LINGO2: variants seen among roughly 807,000 people sequenced by gnomAD.
LINGO2 encodes the protein leucine-rich repeat and immunoglobulin-like domain-containing nogo receptor-interacting protein 2.
A neutral mutation model predicts 30.6 loss-of-function variants in LINGO2; 14 were observed. The observed-to-expected ratio is 0.46, with a 90% CI of 0.30 to 0.72. LINGO2 has a LOEUF of 0.72. Ranked by LOEUF, LINGO2 falls within the 30% of genes least tolerant of loss-of-function variation. The pLI, the probability that LINGO2 is intolerant of heterozygous loss-of-function variation, is 0.07. For missense variants in LINGO2, 729 were observed against 751.7 expected (o/e 0.97, Z 0.35); for synonymous variants, 317 against 288.5 (o/e 1.10, Z -1.00).
intron 3 of LINGO2, among the ~76,000 whole-genome samples, chr9:28,355,825 A>T (rs1302318484): frequency 6.6e-6 from 1 of 151,854 alleles, no homozygotes; most frequent in Non-Finnish European, 1.5e-5. Flanking sequence ...CATACAGAAA[A>T]AACATCTATC....
chr9:28,060,388 T>G, intron 4 of LINGO2, among the ~76,000 whole-genome samples: 1 of 152,168 alleles, frequency 6.6e-6, no homozygotes, highest in East Asian at 1.9e-4. Flanking sequence ...TAGCTAACAC[T>G]TGGTTTCTTA....
chr9:28,123,994 A>G (rs565387480), intron 4 of LINGO2, among the ~76,000 whole-genome samples: 1 of 152,296 alleles, frequency 6.6e-6, no homozygotes, highest in African/African-American at 2.4e-5. Context: ...AAAAAGCACA[A>G]TAATGTTATA....
intron 4 of LINGO2, among the ~76,000 whole-genome samples, chr9:28,284,477 G>C (rs1823436801): frequency 6.6e-6 from 1 of 152,146 alleles, no homozygotes; most frequent in South Asian, 2.1e-4. Context: ...GCATGTTGTA[G>C]ATGAATGCTG....
At chr9:28,732,716 A>G in the LINGO2 span, among the ~76,000 whole-genome samples, 3 of 152,182 alleles carry the variant, frequency 2.0e-5, no homozygotes, top group Non-Finnish European at 4.4e-5. Flanking sequence ...TTTAATGTGC[A>G]ATGCCCAGTG....
At chr9:28,077,288 G>T (rs1825652562) in intron 4 of LINGO2, among the ~76,000 whole-genome samples, 1 of 152,072 alleles carries the variant, frequency 6.6e-6, no homozygotes, top group African/African-American at 2.4e-5. Flanking sequence ...GCCCAGTAAA[G>T]AGATAGAGTT....
intron 4 of LINGO2, among the ~76,000 whole-genome samples, chr9:28,273,482 A>G (rs570196498): frequency 1.3e-5 from 2 of 152,320 alleles, no homozygotes; most frequent in South Asian, 4.1e-4. Context: ...AATAGTAGTG[A>G]GCATTATTCC....
chr9:28,691,224 C>A, the LINGO2 span, among the ~76,000 whole-genome samples: 1 of 152,166 alleles, frequency 6.6e-6, no homozygotes, highest in East Asian at 1.9e-4. Context: ...GGAATCATGC[C>A]ATTTTGCCAA....
At chr9:28,959,583 T>TC in the LINGO2 span, among the ~76,000 whole-genome samples, 2 of 66,292 alleles carry the variant, frequency 3.0e-5, no homozygotes, top group African/African-American at 5.6e-5. Context: ...TTCTCTTTTC[T>TC]TTTATCTCTC....
chr9:28,590,425 C>T (rs2135702749), intron 1 of LINGO2, among the ~76,000 whole-genome samples: 1 of 152,104 alleles, frequency 6.6e-6, no homozygotes, highest in Admixed American at 6.5e-5. Flanking sequence ...GGGCTAATAT[C>T]CAGAATCTAC....
At chr9:28,443,016 T>C (rs1824261036) in intron 2 of LINGO2, among the ~76,000 whole-genome samples, 1 of 152,128 alleles carries the variant, frequency 6.6e-6, no homozygotes, top group Non-Finnish European at 1.5e-5. Flanking sequence ...AGTGAGGTTG[T>C]AACACACATA....
At chr9:28,191,725 A>G (rs1412885349) in intron 4 of LINGO2, among the ~76,000 whole-genome samples, 3 of 152,154 alleles carry the variant, frequency 2.0e-5, no homozygotes, top group Non-Finnish European at 4.4e-5. Flanking sequence ...CTCTATCCAC[A>G]TCTTCCTTGA....
At chr9:29,010,680 T>C in the LINGO2 span, among the ~76,000 whole-genome samples, 1 of 152,146 alleles carries the variant, frequency 6.6e-6, no homozygotes, top group Non-Finnish European at 1.5e-5. Flanking sequence ...CTACTCAATA[T>C]AGAATTAGAT....
At position 28,392,980 on chromosome 9, in the gene LINGO2, T is replaced by A. The variant is rs142593543; in HGVS notation, c.-278-20112A>T. Among the ~76,000 whole-genome samples the A allele has an allele frequency of 1.4e-3, 208 of 152,306 alleles. No individual in the cohort carries two copies. The Middle Eastern group carries it at 0.02, about 15-fold the overall frequency. On this transcript the variant is annotated intron_variant, in intron 2 of 5. Transcript: ENST00000379992. ...ATGAATGGTGCTGAGGGAGAATATG[T>A]CCCTAGGAACTTCTTAATACTTAGA...
the LINGO2 span, among the ~76,000 whole-genome samples, chr9:29,023,796 C>G: frequency 2.0e-5 from 3 of 152,024 alleles, no homozygotes; most frequent in Non-Finnish European, 2.9e-5. Context: ...ATATTCAAAA[C>G]TTTTGTGATC....
intron 1 of LINGO2, among the ~76,000 whole-genome samples, chr9:28,669,384 T>C (rs1241717072): frequency 2.0e-5 from 3 of 152,284 alleles, no homozygotes; most frequent in Non-Finnish European, 4.4e-5. Context: ...CAGTTCCATA[T>C]ACCTTTCTTT....
intron 2 of LINGO2, among the ~76,000 whole-genome samples, chr9:28,439,185 T>C: frequency 6.7e-6 from 1 of 149,592 alleles, no homozygotes; most frequent in Admixed American, 6.7e-5. Context: ...GATAATGAAA[T>C]ATAGATATCT....
the LINGO2 span, among the ~76,000 whole-genome samples, chr9:28,881,925 T>TAAC: frequency 6.6e-6 from 1 of 152,360 alleles, no homozygotes; most frequent in African/African-American, 2.4e-5. Flanking sequence ...ACCTTTTTCT[T>TAAC]ATGTTAACTA....
chr9:28,374,327 C>T (rs970870594), intron 2 of LINGO2, among the ~76,000 whole-genome samples: 4 of 150,920 alleles, frequency 2.7e-5, no homozygotes, highest in Non-Finnish European at 4.4e-5. Flanking sequence ...GAACTTTTTT[C>T]CTTCATGATA....
At chr9:29,190,655 A>G in the LINGO2 span, among the ~76,000 whole-genome samples, 1 of 152,186 alleles carries the variant, frequency 6.6e-6, no homozygotes, top group African/African-American at 2.4e-5. Context: ...AGAAAAGTAT[A>G]AAACAAATAT....
Sources: gnomAD v4.1 joint callset for allele counts (sites outside exome capture counted in the v4.1 genomes callset) on GRCh38, gnomAD v4.1.1 for gene constraint, MANE v1.5 for transcripts, NCBI Gene and HGNC (gene_info 2026-07-23, HGNC 2026-07-21) for gene names.